Variants in PDS5A observed in about 807,000 individuals in gnomAD.
PDS5A encodes the protein sister chromatid cohesion protein PDS5 homolog A.
A neutral mutation model predicts 167.1 loss-of-function variants in PDS5A; 42 were observed. That is an observed-to-expected ratio of 0.25 (90% confidence interval 0.20 to 0.33). PDS5A has a LOEUF of 0.33. Ranked by LOEUF, PDS5A falls within the 10% of genes least tolerant of loss-of-function variation. The pLI is 1.00. For synonymous variants in PDS5A, 553 were observed against 554.6 expected, an observed-to-expected ratio of 1.00 and a Z score of 0.04; for missense variants, 1,033 against 1,605.9, an observed-to-expected ratio of 0.64 and a Z score of 6.10.
intron 1 of PDS5A, 39 bp from the exon 2 acceptor site, chr4:39,976,656 G>A: frequency 9.3e-7 from 1 of 1,076,286 alleles, no homozygotes; most frequent in Non-Finnish European, 1.4e-6. Context: ...GGAAAGGGGC[G>A]ACTTTGTAAC....
chr4:39,939,459 C>T (rs572170230), intron 2 of PDS5A, among the ~76,000 whole-genome samples: 1 of 146,816 alleles, frequency 6.8e-6, no homozygotes, highest in Middle Eastern at 3.8e-3. Flanking sequence ...AGAGTGAGAC[C>T]CTTTCTCAAA....
intron 32 of PDS5A, among the ~76,000 whole-genome samples, chr4:39,836,360 G>A (rs1342821802): frequency 1.3e-5 from 2 of 152,208 alleles, no homozygotes; most frequent in Non-Finnish European, 2.9e-5. Context: ...ATGAGAGGAT[G>A]TGAAAGATTG....
At chr4:39,825,555 A>T in intron 32 of PDS5A, 67 bp from the exon 33 acceptor site, 4 of 1,091,432 alleles carry the variant, frequency 3.7e-6, no homozygotes, top group Non-Finnish European at 5.2e-6. Flanking sequence ...AACGAAAATG[A>T]TTTCATTTCC....
Position 39,904,203 on chromosome 4 carries a change from A to T in PDS5A, c.1234-12T>A, listed in dbSNP as rs745611793. The T allele has an allele frequency of 6.2e-5, 98 of 1,589,108 alleles. No individual in the cohort carries two copies. Among genetic ancestry groups the T allele is most frequent in the Non-Finnish European group, 1.7e-6 (2 of 1,166,984 alleles). Reference sequence around the variant, plus strand: ...TTTCTTACTCGCCACTAAAAAGCATAAAATTTATTAGATGAGCAAGATAAC... The same window carrying T: ...TTTCTTACTCGCCACTAAAAAGCATTAAATTTATTAGATGAGCAAGATAAC... On this transcript the variant is annotated splice_polypyrimidine_tract_variant and intron_variant, in intron 11 of 32. Transcript: ENST00000303538.
At chr4:39,976,676 C>A in intron 1 of PDS5A, 59 bp from the exon 2 acceptor site, 1 of 858,672 alleles carries the variant, frequency 1.2e-6, no homozygotes, top group Non-Finnish European at 1.8e-6. Flanking sequence ...CCTCTTTTTT[C>A]ATTTCAAATC....
chr4:39,843,581 G>A (rs1160458996), intron 30 of PDS5A, among the ~76,000 whole-genome samples: 2 of 152,116 alleles, frequency 1.3e-5, no homozygotes, highest in East Asian at 1.9e-4. Context: ...GAGTGGTGGC[G>A]TGTGCCTGTA....
chr4:39,855,683 A>G (rs887539821), intron 26 of PDS5A, among the ~76,000 whole-genome samples: 14 of 152,352 alleles, frequency 9.2e-5, no homozygotes, highest in South Asian at 4.1e-4. Context: ...ACAGAAAATT[A>G]TAACAGCTGA....
chr4:39,874,949 C>T (rs962623925), intron 19 of PDS5A, among the ~76,000 whole-genome samples: 13 of 152,170 alleles, frequency 8.5e-5, no homozygotes, highest in South Asian at 2.1e-4. Flanking sequence ...TAGGTATTTC[C>T]GCATGGATTA....
intron 16 of PDS5A, chr4:39,898,139 C>A: frequency 8.3e-7 from 1 of 1,199,514 alleles, no homozygotes; most frequent in Non-Finnish European, 1.0e-6. Flanking sequence ...CTACTAAGTT[C>A]AAAGTACTTT....
intron 7 of PDS5A, among the ~76,000 whole-genome samples, chr4:39,918,994 A>T (rs879394942): frequency 6.6e-6 from 1 of 152,252 alleles, no homozygotes; most frequent in Non-Finnish European, 1.5e-5. Flanking sequence ...CTGAAAGGAT[A>T]TAAGAAAACC....
At chr4:39,842,610 T>C (rs1421623439) in intron 30 of PDS5A, among the ~76,000 whole-genome samples, 3 of 152,148 alleles carry the variant, frequency 2.0e-5, no homozygotes, top group South Asian at 2.1e-4. Flanking sequence ...ATAATATCTA[T>C]AAAAACCACA....
At chr4:39,865,501 A>AAT (rs1719358015) in intron 23 of PDS5A, among the ~76,000 whole-genome samples, 1 of 152,210 alleles carries the variant, frequency 6.6e-6, no homozygotes, top group Non-Finnish European at 1.5e-5. Flanking sequence ...CAACATAGTG[A>AAT]GATCCCATTC....
At chr4:39,888,241 CAAAAA>C (rs34845975) in intron 17 of PDS5A, among the ~76,000 whole-genome samples, 5 of 56,264 alleles carry the variant, frequency 8.9e-5, no homozygotes, top group Non-Finnish European at 1.0e-4. Flanking sequence ...AAGACTCCGG[CAAAAA>C]AAAAAAAAAA....
At chr4:39,954,611 G>A (rs1228299761) in intron 2 of PDS5A, among the ~76,000 whole-genome samples, 4 of 146,320 alleles carry the variant, frequency 2.7e-5, no homozygotes, top group Non-Finnish European at 5.9e-5. Context: ...GTTAGCCACC[G>A]TGCCCAGCCT....
In PDS5A at chr4:39,899,269, T is replaced by C. The variant is rs192395819; in HGVS notation, c.1582-444A>G. Among the ~76,000 whole-genome samples, 34 of 152,272 alleles carry C rather than the reference T, an allele frequency of 2.2e-4. No individual in the cohort carries two copies. The East Asian group carries it at 6.6e-3, about 29-fold the overall frequency. On this transcript the variant is annotated intron_variant, in intron 14 of 32. Transcript: ENST00000303538. ...GCTACTTTGTGGCCCGTTACTTAAA[T>C]ACCTTCAGGAAAACCTCCTTTCTAA...
chr4:39,903,332 T>C (rs1723036881), intron 12 of PDS5A, among the ~76,000 whole-genome samples: 1 of 152,248 alleles, frequency 6.6e-6, no homozygotes, highest in African/African-American at 2.4e-5. Context: ...CTAGTACCTA[T>C]TGCTTGTATC....
intron 11 of PDS5A, 68 bp downstream of exon 11, chr4:39,908,327 A>G (rs961160185): frequency 1.7e-6 from 2 of 1,173,760 alleles, no homozygotes; most frequent in South Asian, 2.5e-5. Flanking sequence ...GTAACAGAAA[A>G]TGATACCCAA....
At chr4:39,960,259 ACT>A (rs1315242031) in intron 2 of PDS5A, among the ~76,000 whole-genome samples, 3 of 152,258 alleles carry the variant, frequency 2.0e-5, no homozygotes, top group Non-Finnish European at 4.4e-5. Context: ...ACGGAGTGAG[ACT>A]CTGTCTCAAA....
chr4:39,942,586 T>C (rs1393956026), intron 2 of PDS5A, among the ~76,000 whole-genome samples: 2 of 151,790 alleles, frequency 1.3e-5, no homozygotes, highest in African/African-American at 2.4e-5. Context: ...ACCACCACAC[T>C]CACCTAATTT....
Sources: gnomAD v4.1 joint callset for allele counts (sites outside exome capture counted in the v4.1 genomes callset) on GRCh38, gnomAD v4.1.1 for gene constraint, MANE v1.5 for transcripts, NCBI Gene and HGNC (gene_info 2026-07-23, HGNC 2026-07-21) for gene names.